Variants in PDE12 observed in about 807,000 individuals in gnomAD.
PDE12 encodes 2',5'-phosphodiesterase 12.
In PDE12, 26 loss-of-function variants were observed where a neutral mutation model predicts 45.4. The ratio of observed to expected loss-of-function variants is 0.57; its 90% confidence interval spans 0.42 to 0.79. The LOEUF (loss-of-function observed/expected upper bound fraction) is 0.79. Among genes scored for constraint, PDE12 ranks in the 30% least tolerant of loss-of-function variants. The pLI is 0.00. For synonymous variants in PDE12, 283 were observed against 323.9 expected, an observed-to-expected ratio of 0.87 and a Z score of 1.36; for missense variants, 668 against 790.0, an observed-to-expected ratio of 0.85 and a Z score of 1.85.
At chr3:57,633,159 G>A in the PDE12 span, 4 of 917,328 alleles carry the variant, frequency 4.4e-6, no homozygotes, top group South Asian at 6.2e-5. Context: ...AATATACCAG[G>A]CTGGCAAAAC....
the PDE12 span, among the ~76,000 whole-genome samples, chr3:57,649,641 A>AT: frequency 4.8e-3 from 492 of 102,612 alleles, 3 homozygotes; most frequent in African/African-American, 0.013. Context: ...AAAAAAAAAA[A>AT]ATATATATAT....
chr3:57,568,883 T>G (rs1416382089), downstream of PDE12, among the ~76,000 whole-genome samples: 1 of 151,492 alleles, frequency 6.6e-6, no homozygotes, highest in South Asian at 2.1e-4. Flanking sequence ...AAATGCTTAT[T>G]GGACAGGGGA....
In PDE12 at chr3:57,563,711, A is replaced by ACCAC. The variant is rs1306336221; in HGVS notation, c.*3709_*3710insACCC. ...AGACCAGCCTTGGCAACATTGTGAGACCCTATCTCTGCAAAAAATAAAATT... is the reference window on the plus strand; with the variant it reads ...AGACCAGCCTTGGCAACATTGTGAGACCACCCCTATCTCTGCAAAAAATAAAATT... On this transcript the variant is annotated 3_prime_UTR_variant, in exon 3 of 3. Transcript: ENST00000311180. 2.0e-5 allele frequency: 3 copies of ACCAC among 152,062 alleles called. No individual in the cohort carries two copies. The highest frequency in any genetic ancestry group is 4.4e-5 in the Non-Finnish European group (3 of 68,066). 9.4% of individuals were successfully genotyped at this position (152,062 alleles called of 1,614,324 possible).
At chr3:57,643,672 C>G in the PDE12 span, among the ~76,000 whole-genome samples, 1 of 151,546 alleles carries the variant, frequency 6.6e-6, no homozygotes, top group African/African-American at 2.4e-5. Context: ...ACTAAAAATA[C>G]AAAAATTAGC....
the PDE12 span, among the ~76,000 whole-genome samples, chr3:57,632,954 A>G: frequency 6.6e-6 from 1 of 152,266 alleles, no homozygotes; most frequent in Non-Finnish European, 1.5e-5. Context: ...TAGTAACTAC[A>G]TAACATTTCA....
chr3:57,600,709 C>T, the PDE12 span: 1 of 151,994 alleles, frequency 6.6e-6, no homozygotes, highest in Admixed American at 6.6e-5. Flanking sequence ...TGCCCAGACC[C>T]CAAATTTATT....
the PDE12 span, among the ~76,000 whole-genome samples, chr3:57,591,108 T>A: frequency 1.3e-5 from 2 of 152,148 alleles, no homozygotes; most frequent in African/African-American, 4.8e-5. Context: ...ATTAGAACCC[T>A]CATATATTGC....
chr3:57,576,416 G>A, the PDE12 span, among the ~76,000 whole-genome samples: 1 of 151,506 alleles, frequency 6.6e-6, no homozygotes, highest in African/African-American at 2.4e-5. Context: ...TTGTGATGAT[G>A]GTTGTACAAC....
chr3:57,653,112 A>G, the PDE12 span, among the ~76,000 whole-genome samples: 4 of 152,156 alleles, frequency 2.6e-5, no homozygotes, highest in African/African-American at 9.7e-5. Flanking sequence ...CTTACTACCA[A>G]ATGGTTTGGG....
chr3:57,600,152 A>C, the PDE12 span: 1 of 151,982 alleles, frequency 6.6e-6, no homozygotes, highest in East Asian at 1.9e-4. Context: ...TCAGCCCCCA[A>C]AGTAGCTGGG....
At chr3:57,640,142 G>A in the PDE12 span, among the ~76,000 whole-genome samples, 44 of 151,758 alleles carry the variant, frequency 2.9e-4, 1 homozygote, top group South Asian at 8.8e-3. Context: ...GGTGGTGGGC[G>A]CCTGTAATCC....
the PDE12 span, chr3:57,597,141 G>A: frequency 6.2e-7 from 1 of 1,613,858 alleles, no homozygotes; most frequent in Non-Finnish European, 8.5e-7. Context: ...TGAGGCCCAT[G>A]GCGGTAGTGG....
chr3:57,594,410 G>A, the PDE12 span, among the ~76,000 whole-genome samples: 3 of 152,118 alleles, frequency 2.0e-5, no homozygotes, highest in East Asian at 1.9e-4. Context: ...TTCCTAACTC[G>A]AGCAGTATGG....
the PDE12 span, chr3:57,577,297 TTTAAAGTA>T: frequency 6.2e-7 from 1 of 1,600,420 alleles, no homozygotes; most frequent in East Asian, 2.2e-5. Flanking sequence ...AAATGATGAA[TTTAAAGTA>T]TATTTCTTAC....
the PDE12 span, among the ~76,000 whole-genome samples, chr3:57,601,472 G>A: frequency 1.6e-4 from 25 of 151,672 alleles, no homozygotes; most frequent in African/African-American, 5.6e-4. Flanking sequence ...TTACATTCCA[G>A]TCCCTTGGGT....
the PDE12 span, chr3:57,597,966 C>T: frequency 1.3e-5 from 2 of 152,302 alleles, no homozygotes; most frequent in East Asian, 1.9e-4. Context: ...TCGACCACCA[C>T]GCCAAGTGAT....
the PDE12 span, among the ~76,000 whole-genome samples, chr3:57,622,867 G>C: frequency 6.6e-6 from 1 of 152,178 alleles, no homozygotes; most frequent in Non-Finnish European, 1.5e-5. Flanking sequence ...TATACTGTAT[G>C]ATTCCACTTA....
the PDE12 span, among the ~76,000 whole-genome samples, chr3:57,595,238 T>C: frequency 1.3e-5 from 2 of 152,180 alleles, no homozygotes; most frequent in South Asian, 4.1e-4. Context: ...GACTAAGGAA[T>C]TGAAAAATAG....
the PDE12 span, among the ~76,000 whole-genome samples, chr3:57,603,292 A>T: frequency 6.6e-6 from 1 of 152,208 alleles, no homozygotes; most frequent in African/African-American, 2.4e-5. Flanking sequence ...CCCCTTGCCC[A>T]AATCTCCATC....
Sources: allele counts gnomAD v4.1 joint callset (sites outside exome capture counted in the v4.1 genomes callset), GRCh38; gene constraint gnomAD v4.1.1; transcripts MANE v1.5; gene names NCBI Gene and HGNC (gene_info 2026-07-23, HGNC 2026-07-21).